Variants in MREG observed in about 807,000 individuals in gnomAD.
MREG encodes dilute suppressor protein homolog.
In MREG, 31 loss-of-function variants were observed where a neutral mutation model predicts 28.5. That is an observed-to-expected ratio of 1.09 (90% CI 0.82 to 1.47). MREG has a LOEUF of 1.47. Ranked by LOEUF, MREG falls within the 40% of genes most tolerant of loss-of-function variation. MREG has a pLI of 0.00. For synonymous variants in MREG, 106 were observed against 95.2 expected, an observed-to-expected ratio of 1.11 and a Z score of -0.66; for missense variants, 256 against 257.4, an observed-to-expected ratio of 0.99 and a Z score of 0.04.
At chr2:215,953,261 T>C (rs1124134) in intron 2 of MREG, among the ~76,000 whole-genome samples, 88,470 of 152,112 alleles carry the variant, frequency 0.58, 25,864 homozygotes, top group East Asian at 0.69. Flanking sequence ...AGAACAGTTA[T>C]AGTCTTAGCT....
rs1694170008 is a variant in MREG at position 216,006,921 on chromosome 2, C to T, written c.95+6312G>A. On this transcript the variant is annotated intron_variant, in intron 1 of 4. Transcript: ENST00000263268. ...GGAAAAGACCCAGTGTTTCTGGACC[C>T]TGGGCTATAACAATTCAGGGAAAGA... Among the ~76,000 whole-genome samples, 3 of 152,308 alleles carry T rather than the reference C, an allele frequency of 2.0e-5. No homozygotes were observed. In the South Asian group the frequency reaches 6.2e-4, roughly 32 times the overall value.
downstream of MREG, among the ~76,000 whole-genome samples, chr2:215,941,186 A>G (rs1692193016): frequency 6.6e-6 from 1 of 152,204 alleles, no homozygotes; most frequent in East Asian, 1.9e-4. Flanking sequence ...TCTAACACAC[A>G]AGCCAAGAAA....
At chr2:216,018,140 G>A (rs1258339153), upstream of MREG, among the ~76,000 whole-genome samples, 1 of 152,056 alleles carries the variant, frequency 6.6e-6, no homozygotes, top group East Asian at 1.9e-4. Context: ...TCCAGTCTGG[G>A]CGACAGAACG....
downstream of MREG, among the ~76,000 whole-genome samples, chr2:215,940,752 GA>G (rs1692187691): frequency 6.6e-6 from 1 of 152,176 alleles, no homozygotes; most frequent in Admixed American, 6.5e-5. Flanking sequence ...CAGGCTTGGG[GA>G]AAGGGAGAGA....
At chr2:215,996,158 G>T in intron 2 of MREG, 148 bp downstream of exon 2, 1 of 800,264 alleles carries the variant, frequency 1.2e-6, no homozygotes, top group Non-Finnish European at 1.9e-6. Context: ...AGCAACCAGT[G>T]ATAATATATG....
chr2:215,945,703 T>C lies in MREG; in HGVS notation c.378A>G (p.Ser126=), dbSNP rs1483270761. 1.2e-6 allele frequency: 2 copies of C among 1,613,794 alleles called. No homozygotes were observed. The highest frequency in any genetic ancestry group is 1.7e-6 in the Non-Finnish European group (2 of 1,179,802). ...CACTGATGGTGCTGAGTTTAGTCACTGACAACAAAGAGTCAGCTTCCTTTT... is the reference window on the plus strand; with the variant it reads ...CACTGATGGTGCTGAGTTTAGTCACCGACAACAAAGAGTCAGCTTCCTTTT... ...GFQKEADSLL[S]VTKLSTISDS... Residue 126 remains serine, a synonymous_variant, in exon 4 of 5, where the codon TCA becomes TCG. Coordinates refer to ENST00000263268, the MANE Select transcript of MREG (RefSeq NM_018000.3).
chr2:216,028,312 G>A (rs1351311656), intron 1 of MREG, among the ~76,000 whole-genome samples: 2 of 152,100 alleles, frequency 1.3e-5, no homozygotes, highest in South Asian at 2.1e-4. Flanking sequence ...TCAGGAGATC[G>A]AGATCACGAG....
intron 2 of MREG, among the ~76,000 whole-genome samples, chr2:215,993,575 T>C (rs890938281): frequency 6.6e-6 from 1 of 152,078 alleles, no homozygotes; most frequent in Admixed American, 6.6e-5. Flanking sequence ...ACAAATGGGA[T>C]TAAACTAAAG....
At chr2:215,976,425 T>C (rs893675566) in intron 2 of MREG, among the ~76,000 whole-genome samples, 5 of 152,200 alleles carry the variant, frequency 3.3e-5, no homozygotes, top group Non-Finnish European at 7.3e-5. Context: ...TTTCTGCCTG[T>C]ACCCAGTGCT....
chr2:215,996,825 G>C (rs116832322), intron 1 of MREG, among the ~76,000 whole-genome samples: 5,582 of 151,710 alleles, frequency 0.037, 289 homozygotes, highest in African/African-American at 0.12. Flanking sequence ...GCATCACCCA[G>C]GCTGGAGTGC....
At chr2:215,975,838 C>A (rs1005869811) in intron 2 of MREG, among the ~76,000 whole-genome samples, 1 of 152,182 alleles carries the variant, frequency 6.6e-6, no homozygotes, top group Admixed American at 6.5e-5. Context: ...GTAATCCCAG[C>A]ACTTTGGGAG....
intron 2 of MREG, among the ~76,000 whole-genome samples, chr2:215,982,441 A>G (rs563721601): frequency 6.6e-6 from 1 of 152,348 alleles, no homozygotes; most frequent in Non-Finnish European, 1.5e-5. Flanking sequence ...AGCAAAGAAT[A>G]GAAACATCAC....
intron 2 of MREG, among the ~76,000 whole-genome samples, chr2:215,983,979 G>A (rs1005741721): frequency 4.6e-5 from 7 of 152,218 alleles, no homozygotes; most frequent in African/African-American, 1.7e-4. Flanking sequence ...GATAGTTAGT[G>A]TATTAGTCTA....
intron 2 of MREG, among the ~76,000 whole-genome samples, chr2:215,993,482 A>C (rs1047561834): frequency 1.3e-5 from 2 of 152,234 alleles, no homozygotes; most frequent in Non-Finnish European, 2.9e-5. Flanking sequence ...GAGAAAACTT[A>C]GGCAATACCA....
intron 1 of MREG, among the ~76,000 whole-genome samples, chr2:216,004,426 C>G (rs2106026039): frequency 6.6e-6 from 1 of 152,218 alleles, no homozygotes; most frequent in Non-Finnish European, 1.5e-5. Flanking sequence ...TGATGTATCT[C>G]AAGTACTTAA....
chr2:216,031,695 A>AAGAAAGAAAG (rs1694713198), intron 1 of MREG, among the ~76,000 whole-genome samples: 3 of 106,954 alleles, frequency 2.8e-5, no homozygotes, highest in Non-Finnish European at 6.1e-5. Context: ...AAGAAAGAGA[A>AAGAAAGAAAG]AGAAAGAAAG....
downstream of MREG, among the ~76,000 whole-genome samples, chr2:215,940,968 A>C (rs56180521): frequency 1.3e-5 from 2 of 152,196 alleles, no homozygotes; most frequent in Non-Finnish European, 2.9e-5. Context: ...GCCACAAACC[A>C]TGTAGCTGAC....
At chr2:215,977,917 A>G (rs369513693) in intron 2 of MREG, among the ~76,000 whole-genome samples, 2 of 152,250 alleles carry the variant, frequency 1.3e-5, no homozygotes, top group East Asian at 1.9e-4. Context: ...AAATGCCCAC[A>G]AAAGAAAGCA....
In MREG at chr2:215,944,879, G is replaced by C; in HGVS notation, c.629C>G (p.Pro210Arg). The change falls in exon 5 of 5, where the codon CCG becomes CGG. Residue 210 changes from proline (P) to arginine (R), a missense_variant. Physicochemically the swap from Pro to Arg is moderately radical, Grantham distance 103. Transcript: ENST00000263268. ...GCCTCTCCTTTAGGGACTTGGAAAC[G>C]GAAGGTAGTGCAGTTCTTTCTGGCC... ...ADGQKELHYL[P>R]FPSP is the part of the protein sequence containing the mutation. 2 of 1,594,718 alleles carry C rather than the reference G, an allele frequency of 1.3e-6. No individual in the cohort carries two copies. Among genetic ancestry groups the C allele is most frequent in the Non-Finnish European group, 1.7e-6 (2 of 1,164,386 alleles).
Sources: gnomAD v4.1 joint callset for allele counts (sites outside exome capture counted in the v4.1 genomes callset) on GRCh38, gnomAD v4.1.1 for gene constraint, MANE v1.5 for transcripts, NCBI Gene and HGNC (gene_info 2026-07-23, HGNC 2026-07-21) for gene names.